MTHFD1L: variants seen among roughly 807,000 people sequenced by gnomAD.
The protein encoded by MTHFD1L is methylenetetrahydrofolate dehydrogenase (NADP+ dependent) 1 like.
MTHFD1L carries 81 observed loss-of-function variants against 119.5 expected under a neutral mutation model. The observed-to-expected ratio is 0.68, with a 90% CI of 0.57 to 0.82. The LOEUF is 0.82. Ranked by LOEUF, MTHFD1L falls within the 40% of genes least tolerant of loss-of-function variation. The pLI is 0.00. For missense variants in MTHFD1L, 1,125 were observed against 1,253.4 expected (o/e 0.90, Z 1.55); for synonymous variants, 430 against 475.2 (o/e 0.90, Z 1.24).
chr6:150,968,544 C>A (rs1797561242), intron 19 of MTHFD1L, among the ~76,000 whole-genome samples: 1 of 152,166 alleles, frequency 6.6e-6, no homozygotes, highest in Non-Finnish European at 1.5e-5. Context: ...GAGTCTCTCC[C>A]TGTCGCCCAG....
intron 26 of MTHFD1L, among the ~76,000 whole-genome samples, chr6:151,048,191 T>C (rs1166894285): frequency 6.6e-6 from 1 of 152,192 alleles, no homozygotes; most frequent in Non-Finnish European, 1.5e-5. Flanking sequence ...TTCCCAGGAC[T>C]GGTGATGGAG....
intron 24 of MTHFD1L, among the ~76,000 whole-genome samples, chr6:151,023,424 T>A (rs895218146): frequency 7.9e-5 from 12 of 152,134 alleles, no homozygotes; most frequent in African/African-American, 2.4e-4. Flanking sequence ...TCTCCAACAC[T>A]GGCTTCTAGG....
rs146604714 is a variant in MTHFD1L at position 151,016,984 on chromosome 6, G to A, written c.2586+1291G>A. On this transcript the variant is annotated intron_variant, in intron 24 of 27. Coordinates refer to ENST00000367321, the MANE Select transcript of MTHFD1L (RefSeq NM_015440.5). The stretch of plus-strand genomic sequence containing the variant: ...GAGTCGGGGTTTCACCGTGTTGCCC[G>A]GGCTGGTCTCGAACTCCTGAGCTCC... 4.4e-3 allele frequency among the ~76,000 whole-genome samples: 665 copies of A among 151,172 alleles called. 3 individuals are homozygous for A. The highest frequency in any genetic ancestry group is 0.014 in the African/African-American group (560 of 41,178).
At chr6:151,014,779 A>G (rs1782773589) in intron 22 of MTHFD1L, 101 bp from the exon 23 acceptor site, 2 of 746,694 alleles carry the variant, frequency 2.7e-6, no homozygotes, top group Admixed American at 5.7e-5. Flanking sequence ...GTGAAAAAAG[A>G]TGTAGCAAAT....
chr6:151,033,007 T>C (rs113717694), intron 24 of MTHFD1L, among the ~76,000 whole-genome samples: 2,803 of 152,312 alleles, frequency 0.018, 39 homozygotes, highest in Non-Finnish European at 0.027. Flanking sequence ...GCAAAGTCCT[T>C]GAGGCACATC....
chr6:150,878,216 G>T (rs1045163678), intron 4 of MTHFD1L, among the ~76,000 whole-genome samples: 2 of 151,804 alleles, frequency 1.3e-5, no homozygotes, highest in East Asian at 1.9e-4. Flanking sequence ...CTCAAATAAT[G>T]GAATCTTAAA....
chr6:151,014,206 C>G (rs527702575), intron 22 of MTHFD1L, among the ~76,000 whole-genome samples: 117 of 150,648 alleles, frequency 7.8e-4, no homozygotes, highest in Admixed American at 2.2e-3. Context: ...GACTCTGTCT[C>G]AAAAAAAAGA....
At chr6:150,960,251 C>T (rs753166429) in intron 17 of MTHFD1L, 24 bp from the exon 18 acceptor site, 1 of 1,601,454 alleles carries the variant, frequency 6.2e-7, no homozygotes, top group Non-Finnish European at 8.5e-7. Context: ...TCGCTGACCA[C>T]TACCTGTGTT....
At chr6:150,980,854 G>A (rs768950948) in intron 20 of MTHFD1L, among the ~76,000 whole-genome samples, 5 of 151,766 alleles carry the variant, frequency 3.3e-5, no homozygotes, top group African/African-American at 4.8e-5. Flanking sequence ...TATCGTTTCC[G>A]GGTGTGTGTT....
chr6:151,073,146 A>G (rs1372276111), intron 26 of MTHFD1L, among the ~76,000 whole-genome samples: 5 of 152,196 alleles, frequency 3.3e-5, no homozygotes, highest in Non-Finnish European at 7.3e-5. Flanking sequence ...GGATACATCA[A>G]GGGAAACCAA....
Position 150,887,896 on chromosome 6 carries a change from T to G in MTHFD1L, c.695T>G (p.Leu232Trp). The change falls in exon 7 of 28, where the codon TTG becomes TGG. Residue 232 changes from leucine (L) to tryptophan (W), a missense_variant. By Grantham distance (61) the Leu-to-Trp change is moderately conservative (BLOSUM62 -2). Transcript: ENST00000367321. ...KILVVGAHGS[L>W]EAALQCLFQR... Reference sequence around the variant, plus strand: ...TTGGTAGTGGGGGCCCATGGGTCTTTGGAAGCTGCTCTACAATGCCTGTTC... The same window carrying G: ...TTGGTAGTGGGGGCCCATGGGTCTTGGGAAGCTGCTCTACAATGCCTGTTC... 6.2e-7 allele frequency: 1 copy of G among 1,610,422 alleles called. No individual in the cohort carries two copies. The highest frequency in any genetic ancestry group is 8.5e-7 in the Non-Finnish European group (1 of 1,178,640).
intron 26 of MTHFD1L, among the ~76,000 whole-genome samples, chr6:151,088,714 C>G (rs992786231): frequency 6.6e-6 from 1 of 151,568 alleles, no homozygotes; most frequent in Non-Finnish European, 1.5e-5. Context: ...GCCTCGGCCT[C>G]CCAAAATGCT....
At chr6:151,032,395 C>A (rs1367862813) in intron 24 of MTHFD1L, among the ~76,000 whole-genome samples, 2 of 152,078 alleles carry the variant, frequency 1.3e-5, no homozygotes, top group African/African-American at 4.8e-5. Flanking sequence ...GAGGTGCCAA[C>A]AAGCAGACCT....
intron 26 of MTHFD1L, chr6:151,088,078 G>A (rs550880941): frequency 1.3e-5 from 2 of 152,152 alleles, no homozygotes; most frequent in East Asian, 1.9e-4. Flanking sequence ...CTGTATGTCT[G>A]GGGGGGTGAC....
At chr6:151,076,427 A>C (rs549952706) in intron 26 of MTHFD1L, among the ~76,000 whole-genome samples, 1 of 152,162 alleles carries the variant, frequency 6.6e-6, no homozygotes, top group Non-Finnish European at 1.5e-5. Context: ...AGGCAGGTGG[A>C]TCACTTGAGG....
intron 7 of MTHFD1L, among the ~76,000 whole-genome samples, chr6:150,892,458 G>T (rs1783465063): frequency 6.6e-6 from 1 of 152,170 alleles, no homozygotes; most frequent in African/African-American, 2.4e-5. Flanking sequence ...GGACCAGAAG[G>T]TTCTCTTTCA....
Position 150,894,358 on chromosome 6 carries a change from G to C in MTHFD1L, c.780+6377G>C, listed in dbSNP as rs189852503. Among the ~76,000 whole-genome samples the C allele has an allele frequency of 1.5e-3, 221 of 152,276 alleles. 1 individual carries two copies. Among genetic ancestry groups the C allele is most frequent in the Non-Finnish European group, 2.9e-4 (20 of 68,018 alleles). The stretch of plus-strand genomic sequence containing the variant: ...TTCCATTGTGTGGGTGGGGGAAGGA[G>C]AGAGTGTCTCCAGCTCTCTGTCTGT... On this transcript the variant is annotated intron_variant, in intron 7 of 27. Transcript: ENST00000367321.
chr6:151,003,274 G>A (rs1780875627), intron 20 of MTHFD1L, among the ~76,000 whole-genome samples: 1 of 152,232 alleles, frequency 6.6e-6, no homozygotes, highest in Non-Finnish European at 1.5e-5. Flanking sequence ...GCTCACGCCT[G>A]TAATCCCAAC....
chr6:151,034,709 C>A, intron 25 of MTHFD1L, 109 bp downstream of exon 25: 1 of 730,624 alleles, frequency 1.4e-6, no homozygotes. Context: ...TTTGCTTAAT[C>A]TATTGTATGG....
Sources: gnomAD v4.1 joint callset for allele counts (sites outside exome capture counted in the v4.1 genomes callset) on GRCh38, gnomAD v4.1.1 for gene constraint, MANE v1.5 for transcripts, NCBI Gene and HGNC (gene_info 2026-07-23, HGNC 2026-07-21) for gene names.